The following ELP4 variants were observed in gnomAD, a reference collection of about 807,000 sequenced individuals.
ELP4 encodes elongator acetyltransferase complex subunit 4.
Under a neutral mutation model 48.9 loss-of-function variants are expected in ELP4, and 51 were observed. That is an observed-to-expected ratio of 1.04 (90% CI 0.83 to 1.32). The LOEUF is 1.32. Among genes scored for constraint, ELP4 ranks in the 40% most tolerant of loss-of-function variants. The probability of loss-of-function intolerance (pLI) is 0.00; values close to 1 mark genes in which losing one functional copy is unlikely to be tolerated. For missense variants in ELP4, 519 were observed against 514.6 expected (o/e 1.01, Z -0.08); for synonymous variants, 210 against 189.2 (o/e 1.11, Z -0.90).
At chr11:31,746,752 G>T (rs975805138) in intron 9 of ELP4, among the ~76,000 whole-genome samples, 5 of 152,056 alleles carry the variant, frequency 3.3e-5, no homozygotes, top group East Asian at 1.9e-4. Context: ...GTCGGTGGAG[G>T]GGGGAGGGAT....
rs145928859 is a variant in ELP4 at position 31,562,055 on chromosome 11, G to T, written c.381+22272G>T. Among the ~76,000 whole-genome samples, 150 of 152,270 alleles carry T rather than the reference G, an allele frequency of 9.9e-4. 2 individuals are homozygous for T. The highest frequency in any genetic ancestry group is 3.2e-3 in the African/African-American group (135 of 41,554). ...GTCAAGACTTGGAAGTGCTATTTATGTTATGAGTAGACATATTGCTGGGAC... is the reference window on the plus strand; with the variant it reads ...GTCAAGACTTGGAAGTGCTATTTATTTTATGAGTAGACATATTGCTGGGAC... On this transcript the variant is annotated intron_variant, in intron 3 of 9. Transcript: ENST00000640961.
In ELP4 at chr11:31,788,105, A is replaced by AT. The variant is rs1405228426; in HGVS notation, c.*4588dup. On this transcript the variant is annotated 3_prime_UTR_variant, in exon 10 of 10. Coordinates refer to ENST00000640961, the MANE Select transcript of ELP4 (RefSeq NM_019040.5). ...GTCCTTTTTTACCCAACAAAGGCTT[A>AT]TTTTTTTCCATCCTTTGCTTGGGCT... The AT allele has an allele frequency of 1.8e-5, 4 of 223,260 alleles. No individual in the cohort carries two copies. The highest frequency in any genetic ancestry group is 4.5e-5 in the African/African-American group (2 of 44,748). The allele number at this position is 223,260 out of a possible 1,614,324, so 13.8% of individuals were successfully genotyped here.
chr11:31,623,354 A>AATATATATATATATAT (rs779632233), intron 5 of ELP4, among the ~76,000 whole-genome samples: 113 of 9,196 alleles, frequency 0.012, 3 homozygotes, highest in Non-Finnish European at 0.035. Flanking sequence ...ATTTTCAGCA[A>AATATATATATATATAT]ATATATATAT....
chr11:31,527,393 A>G (rs1177715669), intron 2 of ELP4, among the ~76,000 whole-genome samples: 1 of 152,040 alleles, frequency 6.6e-6, no homozygotes, highest in African/African-American at 2.4e-5. Flanking sequence ...TTAACCCCCT[A>G]TTCAACATTT....
At chr11:31,717,270 TTATAAA>T (rs371323339) in intron 9 of ELP4, among the ~76,000 whole-genome samples, 13 of 152,310 alleles carry the variant, frequency 8.5e-5, no homozygotes, top group African/African-American at 3.1e-4. Context: ...ATTTTCTTAG[TTATAAA>T]TATAGGCAAC....
chr11:31,770,644 A>G (rs7108111), intron 9 of ELP4, among the ~76,000 whole-genome samples: 41,753 of 151,160 alleles, frequency 0.28, 6,006 homozygotes, highest in South Asian at 0.36. Flanking sequence ...GGCCAAGAAT[A>G]GTGGCTCACA....
At chr11:31,658,069 C>A (rs1332507441) in intron 9 of ELP4, among the ~76,000 whole-genome samples, 1 of 151,910 alleles carries the variant, frequency 6.6e-6, no homozygotes, top group African/African-American at 2.4e-5. Context: ...TAAATTGAAG[C>A]CTGTTTTATT....
chr11:31,786,496 T>A lies in ELP4; in HGVS notation c.*2972T>A. On this transcript the variant is annotated 3_prime_UTR_variant, in exon 10 of 10. Coordinates refer to ENST00000640961, the MANE Select transcript of ELP4 (RefSeq NM_019040.5). ...TCTTGAGAAATGAAAAAGAGAAGAA[T>A]ATATATTTCGCCTTGGTGAGCCAAA... is the stretch of plus-strand genomic sequence containing the variant. 2 of 223,240 alleles carry A rather than the reference T, an allele frequency of 9.0e-6. No individual in the cohort carries two copies. The highest frequency in any genetic ancestry group is 6.5e-5 in the East Asian group (1 of 15,268). The allele number at this position is 223,240 out of a possible 1,614,324, so 13.8% of individuals were successfully genotyped here. A position where few individuals can be genotyped will look rare whatever the true frequency, so the allele number is the denominator to read the frequency against.
intron 9 of ELP4, among the ~76,000 whole-genome samples, chr11:31,773,994 C>CA (rs1948197889): frequency 6.6e-6 from 1 of 152,100 alleles, no homozygotes; most frequent in Non-Finnish European, 1.5e-5. Flanking sequence ...GCCTGGGCAA[C>CA]ATGGCGAAAC....
intron 2 of ELP4, among the ~76,000 whole-genome samples, chr11:31,531,452 A>G (rs938332002): frequency 3.3e-5 from 5 of 152,196 alleles, no homozygotes; most frequent in Non-Finnish European, 7.4e-5. Context: ...GGTGCTCCAG[A>G]GCACACTGAT....
intron 9 of ELP4, among the ~76,000 whole-genome samples, chr11:31,736,007 C>T (rs945372204): frequency 7.2e-5 from 11 of 152,052 alleles, no homozygotes; most frequent in Non-Finnish European, 1.3e-4. Flanking sequence ...AAAAAGAGCC[C>T]GCATTGCCAA....
intron 3 of ELP4, chr11:31,580,717 G>T (rs1490803299): frequency 6.5e-6 from 1 of 154,352 alleles, no homozygotes; most frequent in African/African-American, 2.4e-5. Context: ...GAGTGCAGTG[G>T]CACAGTCTTG....
chr11:31,700,233 A>G (rs1431937963), intron 9 of ELP4, among the ~76,000 whole-genome samples: 1 of 152,016 alleles, frequency 6.6e-6, no homozygotes, highest in East Asian at 1.9e-4. Flanking sequence ...TTTTAAAAAA[A>G]AAGAAAAATG....
intron 1 of ELP4, chr11:31,512,545 A>G (rs1439711421): frequency 6.6e-6 from 1 of 152,192 alleles, no homozygotes; most frequent in African/African-American, 2.4e-5. Context: ...ATTGATATAC[A>G]TTTCCCAAGT....
chr11:31,722,597 A>G (rs1448741738), intron 9 of ELP4, among the ~76,000 whole-genome samples: 4 of 152,074 alleles, frequency 2.6e-5, no homozygotes, highest in Admixed American at 2.6e-4. Context: ...CTGTGGTTCA[A>G]AAAACCAGAA....
chr11:31,522,758 A>G (rs1484831963), intron 2 of ELP4, among the ~76,000 whole-genome samples: 2 of 152,164 alleles, frequency 1.3e-5, no homozygotes, highest in African/African-American at 2.4e-5. Context: ...CAACAATTAT[A>G]TCAGTTCACC....
chr11:31,588,841 G>A (rs561885631), intron 3 of ELP4, among the ~76,000 whole-genome samples: 1 of 152,218 alleles, frequency 6.6e-6, no homozygotes, highest in South Asian at 2.1e-4. Context: ...AAATTAGCTG[G>A]GCGTGGTGGC....
intron 3 of ELP4, among the ~76,000 whole-genome samples, chr11:31,567,034 T>C (rs1202628699): frequency 7.9e-6 from 1 of 126,246 alleles, no homozygotes; most frequent in East Asian, 2.2e-4. Context: ...ACTTCTTTAT[T>C]TATTTTTTTT....
chr11:31,567,784 T>C (rs1375131316), intron 3 of ELP4, among the ~76,000 whole-genome samples: 2 of 152,176 alleles, frequency 1.3e-5, no homozygotes, highest in African/African-American at 4.8e-5. Flanking sequence ...GCATTATGAC[T>C]AAAAAATAAA....
Sources: gnomAD v4.1 joint callset for allele counts (sites outside exome capture counted in the v4.1 genomes callset) on GRCh38, gnomAD v4.1.1 for gene constraint, MANE v1.5 for transcripts, NCBI Gene and HGNC (gene_info 2026-07-23, HGNC 2026-07-21) for gene names.